The following NETO1 variants were observed in gnomAD, a reference collection of about 807,000 sequenced individuals.
NETO1 encodes the protein neuropilin and tolloid-like protein 1.
A neutral mutation model predicts 61.3 loss-of-function variants in NETO1; 26 were observed. The ratio of observed to expected loss-of-function variants is 0.42; its 90% CI spans 0.31 to 0.59. The LOEUF (loss-of-function observed/expected upper bound fraction) is 0.59, where lower values mean the gene tolerates loss of function less well. NETO1 is among the 20% of genes least tolerant of loss of function. The pLI, the probability that NETO1 is intolerant of heterozygous loss-of-function variation, is 0.12. For missense variants in NETO1, 531 were observed against 662.8 expected, an observed-to-expected ratio of 0.80 and a Z score of 2.18; for synonymous variants, 225 against 225.8, an observed-to-expected ratio of 1.00 and a Z score of 0.03.
intron 6 of NETO1, among the ~76,000 whole-genome samples, chr18:72,790,412 G>C (rs1450744124): frequency 6.6e-6 from 1 of 152,078 alleles, no homozygotes. Flanking sequence ...TTGTGAGAGT[G>C]AACTGGGCCA....
At chr18:72,796,628 C>T (rs535235076) in intron 4 of NETO1, among the ~76,000 whole-genome samples, 1 of 152,226 alleles carries the variant, frequency 6.6e-6, no homozygotes, top group Admixed American at 6.5e-5. Context: ...AGGCGCCCGC[C>T]ACTGTGCCCA....
chr18:72,846,143 A>T (rs184379317), intron 4 of NETO1, among the ~76,000 whole-genome samples: 160 of 151,764 alleles, frequency 1.1e-3, no homozygotes, highest in Non-Finnish European at 1.7e-3. Flanking sequence ...CAAAAGATAC[A>T]ATGTTGATTC....
At chr18:72,796,998 C>T (rs1461299366) in intron 4 of NETO1, among the ~76,000 whole-genome samples, 1 of 152,140 alleles carries the variant, frequency 6.6e-6, no homozygotes, top group Non-Finnish European at 1.5e-5. Context: ...TGGTTGTTCT[C>T]ATCAAGCAGT....
intron 4 of NETO1, among the ~76,000 whole-genome samples, chr18:72,855,192 C>T (rs17086489): frequency 0.029 from 4,480 of 152,194 alleles, 232 homozygotes; most frequent in African/African-American, 0.1. Flanking sequence ...TAGCATATTG[C>T]AGAGGAGAGG....
At chr18:72,844,168 G>A (rs1599136692) in intron 4 of NETO1, among the ~76,000 whole-genome samples, 1 of 152,142 alleles carries the variant, frequency 6.6e-6, no homozygotes, top group South Asian at 2.1e-4. Context: ...ACTAAGAACA[G>A]CAGCCACAGT....
At chr18:72,825,555 T>C (rs569766878) in intron 4 of NETO1, among the ~76,000 whole-genome samples, 1 of 152,232 alleles carries the variant, frequency 6.6e-6, no homozygotes, top group South Asian at 2.1e-4. Flanking sequence ...CTTTTATCTT[T>C]ATATTCTTTA....
intron 4 of NETO1, among the ~76,000 whole-genome samples, chr18:72,853,023 C>T (rs2074301398): frequency 1.3e-5 from 2 of 151,636 alleles, no homozygotes; most frequent in South Asian, 4.2e-4. Flanking sequence ...TTAGTAGAGA[C>T]AGAGTTTCAC....
chr18:72,820,835 G>A (rs563086931), intron 4 of NETO1, among the ~76,000 whole-genome samples: 80 of 152,268 alleles, frequency 5.3e-4, no homozygotes, highest in Middle Eastern at 3.4e-3. Context: ...TGGGTCTTGA[G>A]TCGGGTGATT....
intron 4 of NETO1, among the ~76,000 whole-genome samples, chr18:72,858,118 T>C (rs1444643083): frequency 6.6e-6 from 1 of 152,176 alleles, no homozygotes; most frequent in African/African-American, 2.4e-5. Context: ...GCATGTAGTG[T>C]TCTTGCAGTG....
Position 72,750,155 on chromosome 18 carries a change from G to A in NETO1, c.1448C>T (p.Ser483Leu), listed in dbSNP as rs139202022. 34 of 1,613,954 alleles carry A rather than the reference G, an allele frequency of 2.1e-5. No homozygotes were observed. Among genetic ancestry groups the A allele is most frequent in the Middle Eastern group, 1.7e-4 (1 of 6,014 alleles). Residue 483 changes from serine (S) to leucine (L), a missense_variant, in exon 9 of 11, where the codon TCG (serine) becomes TTG (leucine). Ser to Leu is a moderately radical substitution (Grantham distance 145, BLOSUM62 -2). Transcript: ENST00000327305. Reference sequence around the variant, plus strand: ...GTCACAGGCATCTGCAGCATCTTGCGAGTAGCTGTGTTTCATGACAAGGAT... The same window carrying A: ...GTCACAGGCATCTGCAGCATCTTGCAAGTAGCTGTGTTTCATGACAAGGAT... ...RNILVMKHSY[S>L]QDAADACDID...
rs1044499625 is a variant in NETO1 at position 72,765,087 on chromosome 18, A to G, written c.869-8940T>C. Among the ~76,000 whole-genome samples the G allele has an allele frequency of 1.4e-4, 21 of 152,148 alleles. 1 individual carries two copies. Among genetic ancestry groups the G allele is most frequent in the African/African-American group, 5.1e-4 (21 of 41,444 alleles). ...TGAAGACACCCCAAAACACTTTCCAATAATGTTAGGTTAATTTCCAAACTC... is the reference window on the plus strand; with the variant it reads ...TGAAGACACCCCAAAACACTTTCCAGTAATGTTAGGTTAATTTCCAAACTC... On this transcript the variant is annotated intron_variant, in intron 7 of 10. Coordinates refer to ENST00000327305, the MANE Select transcript of NETO1 (RefSeq NM_138966.5).
intron 6 of NETO1, among the ~76,000 whole-genome samples, chr18:72,791,512 G>A (rs1272310306): frequency 6.6e-6 from 1 of 152,186 alleles, no homozygotes; most frequent in Non-Finnish European, 1.5e-5. Context: ...TGTTACAATA[G>A]AGCCATCTTT....
At chr18:72,823,278 T>C (rs1180870809) in intron 4 of NETO1, among the ~76,000 whole-genome samples, 1 of 152,198 alleles carries the variant, frequency 6.6e-6, no homozygotes, top group Admixed American at 6.5e-5. Flanking sequence ...CATGCAGTGA[T>C]AAGCAATGAG....
chr18:72,860,315 G>A (rs2074532222), intron 3 of NETO1, among the ~76,000 whole-genome samples: 1 of 152,132 alleles, frequency 6.6e-6, no homozygotes, highest in South Asian at 2.1e-4. Context: ...TCCCTCTACG[G>A]TCAGCAACTA....
intron 4 of NETO1, among the ~76,000 whole-genome samples, chr18:72,857,132 T>C (rs957859528): frequency 7.2e-5 from 11 of 152,192 alleles, no homozygotes; most frequent in African/African-American, 2.7e-4. Context: ...TTCCCTCATA[T>C]GCCAAATGTA....
At chr18:72,860,389 G>A (rs144761040) in intron 3 of NETO1, among the ~76,000 whole-genome samples, 3 of 152,262 alleles carry the variant, frequency 2.0e-5, no homozygotes, top group African/African-American at 7.2e-5. Flanking sequence ...CATCCATGAT[G>A]ACCTAAAATG....
rs576719693 is a variant in NETO1, at chr18:72,791,213, T to C, written c.639+2904A>G. ...AGACATCAGATATTATATTTTCTATTTGTCAAAAGCTGGTAAAGCAGTAAA... is the reference window on the plus strand; with the variant it reads ...AGACATCAGATATTATATTTTCTATCTGTCAAAAGCTGGTAAAGCAGTAAA... On this transcript the variant is annotated intron_variant, in intron 6 of 10. Coordinates refer to ENST00000327305, the MANE Select transcript of NETO1 (RefSeq NM_138966.5). 1.5e-4 allele frequency among the ~76,000 whole-genome samples: 23 copies of C among 152,318 alleles called. No homozygotes were observed. The South Asian group carries it at 3.9e-3, about 26-fold the overall frequency.
chr18:72,859,329 C>T (rs909123719), intron 3 of NETO1, among the ~76,000 whole-genome samples: 3 of 152,002 alleles, frequency 2.0e-5, no homozygotes, highest in East Asian at 1.9e-4. Flanking sequence ...TGACGTTTTG[C>T]GCAGGACTAA....
intron 4 of NETO1, among the ~76,000 whole-genome samples, chr18:72,822,463 G>A (rs1003755261): frequency 1.3e-5 from 2 of 152,230 alleles, no homozygotes. Context: ...AGGACGTGGG[G>A]AGGCGGAGCA....
Sources: allele counts gnomAD v4.1 joint callset (sites outside exome capture counted in the v4.1 genomes callset), GRCh38; gene constraint gnomAD v4.1.1; transcripts MANE v1.5; gene names NCBI Gene and HGNC (gene_info 2026-07-23, HGNC 2026-07-21).